TRIM63: variants seen among roughly 807,000 people sequenced by gnomAD.
The protein encoded by TRIM63 is E3 ubiquitin-protein ligase TRIM63.
TRIM63 carries 48 observed loss-of-function variants against 46.0 expected under a neutral mutation model. That is an observed-to-expected ratio of 1.04 (90% CI 0.83 to 1.33). The LOEUF is 1.33. TRIM63 is among the 40% of genes most tolerant of loss of function. The pLI is 0.00. For missense variants in TRIM63, 455 were observed against 441.2 expected, an observed-to-expected ratio of 1.03 and a Z score of -0.28; for synonymous variants, 175 against 162.8, an observed-to-expected ratio of 1.08 and a Z score of -0.57.
At chr1:26,065,243 C>G (rs1324253091) in intron 2 of TRIM63, among the ~76,000 whole-genome samples, 1 of 151,932 alleles carries the variant, frequency 6.6e-6, no homozygotes, top group Non-Finnish European at 1.5e-5. Context: ...AGTCTGGTCT[C>G]CAACTCCTGA....
chr1:26,061,442 T>C (rs935850253), intron 2 of TRIM63, 108 bp from the exon 3 acceptor site: 7 of 1,224,018 alleles, frequency 5.7e-6, no homozygotes, highest in African/African-American at 3.0e-5. Context: ...GCAGGAGGAT[T>C]GCTCAGCCCA....
chr1:26,056,731 G>T (rs1470480919), intron 7 of TRIM63, among the ~76,000 whole-genome samples: 3 of 151,960 alleles, frequency 2.0e-5, no homozygotes, highest in African/African-American at 7.3e-5. Flanking sequence ...CTAGGCTCTG[G>T]GCTCATCTAG....
At chr1:26,066,217 C>T (rs755816322) in intron 2 of TRIM63, 51 bp downstream of exon 2, 1 of 1,602,764 alleles carries the variant, frequency 6.2e-7, no homozygotes, top group South Asian at 1.1e-5. Context: ...GGGATCTAGG[C>T]ACAGCATGGC....
At chr1:26,056,357 G>C (rs1163653143) in intron 7 of TRIM63, among the ~76,000 whole-genome samples, 3 of 152,104 alleles carry the variant, frequency 2.0e-5, no homozygotes, top group Non-Finnish European at 4.4e-5. Flanking sequence ...ATCAATTAAG[G>C]TGCCTGGGTA....
chr1:26,061,425 G>A, intron 2 of TRIM63, 91 bp from the exon 3 acceptor site: 2 of 1,390,458 alleles, frequency 1.4e-6, no homozygotes, highest in Non-Finnish European at 2.0e-6. Flanking sequence ...CTACTGGGGA[G>A]GCTGAGGCAG....
At chr1:26,059,661 C>T (rs892601158) in intron 4 of TRIM63, among the ~76,000 whole-genome samples, 6 of 152,144 alleles carry the variant, frequency 3.9e-5, no homozygotes, top group Non-Finnish European at 5.9e-5. Flanking sequence ...ATTATGATGA[C>T]CCCTTCCCCT....
In TRIM63 at chr1:26,060,333, A is replaced by G; in HGVS notation, c.530T>C (p.Leu177Pro). ...CTGCACACGGTCATTCCCCGCCACCAGCATGGAGATACAGTTATTCAGTTC... is the reference window on the plus strand; with the variant it reads ...CTGCACACGGTCATTCCCCGCCACCGGCATGGAGATACAGTTATTCAGTTC... ...KTELNNCISMLVAGNDRVQTI... is the reference protein window; with the variant it reads ...KTELNNCISMPVAGNDRVQTI... Residue 177 changes from leucine to proline, a missense_variant, in exon 4 of 9, where the codon CTG becomes CCG. By Grantham distance (98) the Leu-to-Pro change is moderately conservative. Transcript: ENST00000374272. The G allele has an allele frequency of 6.2e-7, 1 of 1,614,036 alleles. No individual in the cohort carries two copies. Among genetic ancestry groups the G allele is most frequent in the East Asian group, 2.2e-5 (1 of 44,872 alleles).
intron 2 of TRIM63, among the ~76,000 whole-genome samples, chr1:26,061,671 G>A (rs752704177): frequency 1.2e-4 from 19 of 152,218 alleles, no homozygotes; most frequent in African/African-American, 2.9e-4. Context: ...ACCTGGAGAT[G>A]TTTTAGAGAA....
At chr1:26,055,005 A>G (rs979758161) in intron 7 of TRIM63, among the ~76,000 whole-genome samples, 1 of 152,116 alleles carries the variant, frequency 6.6e-6, no homozygotes, top group African/African-American at 2.4e-5. Flanking sequence ...CCAAAATGAC[A>G]ACCAAAATTC....
intron 2 of TRIM63, among the ~76,000 whole-genome samples, chr1:26,065,967 G>C (rs886268314): frequency 2.6e-5 from 4 of 152,178 alleles, no homozygotes; most frequent in Non-Finnish European, 5.9e-5. Flanking sequence ...CTGCTGACCA[G>C]AGCCACTTAG....
rs1339664468 is a variant in TRIM63 at position 26,066,289 on chromosome 1, A to G, written c.311T>C (p.Ile104Thr). ...RNLLVENIIDIYKQECSSRPL... is the reference protein window; with the variant it reads ...RNLLVENIIDTYKQECSSRPL... Reference sequence around the variant, plus strand: ...CGACCTGGAGCACTCCTGTTTGTAGATGTCGATGATGTTCTCCACCAGCAG... The same window carrying G: ...CGACCTGGAGCACTCCTGTTTGTAGGTGTCGATGATGTTCTCCACCAGCAG... The change falls in exon 2 of 9, where the codon ATC becomes ACC. Residue 104 changes from isoleucine to threonine, a missense_variant. Ile to Thr is a moderately conservative substitution (Grantham distance 89, BLOSUM62 -1). Transcript: ENST00000374272. 1.2e-6 allele frequency: 2 copies of G among 1,613,960 alleles called. No homozygotes were observed. Among genetic ancestry groups the G allele is most frequent in the Non-Finnish European group, 8.5e-7 (1 of 1,180,014 alleles).
intron 7 of TRIM63, among the ~76,000 whole-genome samples, chr1:26,054,692 C>G (rs1490522560): frequency 2.6e-5 from 4 of 152,178 alleles, no homozygotes; most frequent in African/African-American, 7.2e-5. Flanking sequence ...TCAGGCCAGG[C>G]TTGGTCGCTC....
At chr1:26,051,969 A>G (rs1277910431) in intron 8 of TRIM63, 86 bp from the exon 9 acceptor site, 1 of 1,179,862 alleles carries the variant, frequency 8.5e-7, no homozygotes, top group Non-Finnish European at 1.1e-6. Flanking sequence ...GTTTATTCAA[A>G]CAGGAGTTTG....
intron 2 of TRIM63, among the ~76,000 whole-genome samples, chr1:26,064,274 T>A (rs187619031): frequency 5.3e-4 from 81 of 152,104 alleles, no homozygotes; most frequent in Non-Finnish European, 9.0e-4. Context: ...CTACTAAAAA[T>A]ATAATAATTA....
chr1:26,061,677 G>C (rs1423724759), intron 2 of TRIM63, among the ~76,000 whole-genome samples: 1 of 152,232 alleles, frequency 6.6e-6, no homozygotes, highest in East Asian at 1.9e-4. Context: ...AGATGTTTTA[G>C]AGAAGAGGAA....
At chr1:26,064,059 G>A (rs1218022370) in intron 2 of TRIM63, among the ~76,000 whole-genome samples, 1 of 152,244 alleles carries the variant, frequency 6.6e-6, no homozygotes, top group African/African-American at 2.4e-5. Context: ...ACTTTGGGAG[G>A]CCAAGGCGGG....
Position 26,057,517 on chromosome 1 carries a change from AG to A in TRIM63, c.854+110del, listed in dbSNP as rs1238771056. ...AGGGATGCAAAGGGTCAGGGAAGCCAGCCTAGAGTGAGACCCTCCCAGCAGG... is the reference window on the plus strand; with the variant it reads ...AGGGATGCAAAGGGTCAGGGAAGCCACCTAGAGTGAGACCCTCCCAGCAGG... On this transcript the variant is annotated intron_variant, in intron 6 of 8. Transcript: ENST00000374272. 49 of 1,428,646 alleles carry A rather than the reference AG, an allele frequency of 3.4e-5. No homozygotes were observed. In the Admixed American group the frequency reaches 1.0e-3, roughly 30 times the overall value. 88.5% of individuals were successfully genotyped at this position (1,428,646 alleles called of 1,614,324 possible).
intron 4 of TRIM63, 71 bp from the exon 5 acceptor site, chr1:26,058,694 G>T: frequency 1.6e-6 from 2 of 1,248,134 alleles, no homozygotes; most frequent in Admixed American, 1.8e-5. Context: ...GCCTTCCTAG[G>T]ACAGTAGCAA....
At position 26,061,247 on chromosome 1, in the gene TRIM63, G is replaced by A; in HGVS notation, c.420C>T (p.Pro140=). The A allele has an allele frequency of 5.6e-6, 9 of 1,614,180 alleles. No homozygotes were observed. The highest frequency in any genetic ancestry group is 7.6e-6 in the Non-Finnish European group (9 of 1,180,022). ...CAAACACCTTGCACATGGAGCAGGT[G>A]GGCACCTCACACGTGAGACAGTAGA... ...INIYCLTCEV[P]TCSMCKVFGI... is the part of the protein sequence containing the mutation. The change falls in exon 3 of 9, where the codon CCC becomes CCT. Residue 140 remains proline (P), a synonymous_variant. Transcript: ENST00000374272.
Sources: allele counts gnomAD v4.1 joint callset (sites outside exome capture counted in the v4.1 genomes callset), GRCh38; gene constraint gnomAD v4.1.1; transcripts MANE v1.5; gene names NCBI Gene and HGNC (gene_info 2026-07-23, HGNC 2026-07-21).